Variants in RAB25 observed in about 807,000 individuals in gnomAD.
RAB25 encodes RAB25, member RAS oncogene family.
A neutral mutation model predicts 25.2 loss-of-function variants in RAB25; 23 were observed. The observed-to-expected ratio is 0.91, with a 90% confidence interval of 0.66 to 1.29. The LOEUF (loss-of-function observed/expected upper bound fraction) is 1.29, where lower values mean the gene tolerates loss of function less well. Ranked by LOEUF, RAB25 falls within the 50% of genes most tolerant of loss-of-function variation. The pLI is 0.00. For missense variants in RAB25, 244 were observed against 277.3 expected (o/e 0.88, Z 0.85); for synonymous variants, 102 against 111.5 (o/e 0.91, Z 0.54).
chr1:156,066,150 G>A, intron 2 of RAB25, 44 bp downstream of exon 2: 1 of 1,468,736 alleles, frequency 6.8e-7, no homozygotes. Flanking sequence ...GGAGTTCTGG[G>A]GAAGTCGAGG....
intron 4 of RAB25, 31 bp downstream of exon 4, chr1:156,069,782 T>G (rs200597559): frequency 4.5e-6 from 7 of 1,554,716 alleles, no homozygotes; most frequent in Middle Eastern, 1.7e-4. Flanking sequence ...TGCACCCCTA[T>G]TCCATCCCCG....
At chr1:156,065,383 C>T (rs1476480361) in intron 1 of RAB25, among the ~76,000 whole-genome samples, 1 of 152,322 alleles carries the variant, frequency 6.6e-6, no homozygotes, top group Middle Eastern at 3.4e-3. Flanking sequence ...CTCTCACCCA[C>T]AGATGTGTCA....
At position 156,068,237 on chromosome 1, in the gene RAB25, G is replaced by A. The variant is rs757598413; in HGVS notation, c.240-33G>A. ...GATGCTGGGTCCAATGCCTCTGATC[G>A]TATCTCTGTCCATCCTTCTCATTCC... On this transcript the variant is annotated intron_variant, in intron 2 of 4. Coordinates refer to ENST00000361084, the MANE Select transcript of RAB25 (RefSeq NM_020387.4). 95 of 1,560,882 alleles carry A rather than the reference G, an allele frequency of 6.1e-5. No homozygotes were observed. The South Asian group carries it at 8.2e-4, about 14-fold the overall frequency.
chr1:156,061,322 G>A lies in RAB25; in HGVS notation c.-79G>A, dbSNP rs1032300715. On this transcript the variant is annotated 5_prime_UTR_variant, in exon 1 of 5. Coordinates refer to ENST00000361084, the MANE Select transcript of RAB25 (RefSeq NM_020387.4). Reference sequence around the variant, plus strand: ...CAGGACCAGATCTTTTGAGAGCTGAGGGTTGAGGGCATTGAGCCAACACAC... The same window carrying A: ...CAGGACCAGATCTTTTGAGAGCTGAAGGTTGAGGGCATTGAGCCAACACAC... The A allele has an allele frequency of 1.2e-5, 17 of 1,416,220 alleles. No individual in the cohort carries two copies. The Admixed American group carries it at 2.9e-4, about 24-fold the overall frequency. 87.7% of individuals were successfully genotyped at this position (1,416,220 alleles called of 1,614,324 possible).
chr1:156,064,573 C>G (rs1211640927), intron 1 of RAB25, among the ~76,000 whole-genome samples: 1 of 152,246 alleles, frequency 6.6e-6, no homozygotes, highest in African/African-American at 2.4e-5. Flanking sequence ...TGCTACCATG[C>G]CTGGCTAATT....
intron 4 of RAB25, 162 bp from the exon 5 acceptor site, chr1:156,069,998 G>A: frequency 8.9e-7 from 1 of 1,129,618 alleles, no homozygotes; most frequent in East Asian, 2.5e-5. Flanking sequence ...GTAAGTAGAA[G>A]GGACCCCTAT....
chr1:156,066,353 C>G (rs1647745718), intron 2 of RAB25: 1 of 368,488 alleles, frequency 2.7e-6, no homozygotes, highest in African/African-American at 2.1e-5. Flanking sequence ...GCTATGTGCC[C>G]AGGAAGGGAC....
At chr1:156,065,318 C>T (rs1001236039) in intron 1 of RAB25, among the ~76,000 whole-genome samples, 1 of 152,182 alleles carries the variant, frequency 6.6e-6, no homozygotes. Context: ...GACTGTCCCT[C>T]CTTAGGGACA....
Position 156,066,000 on chromosome 1 carries a change from AT to A in RAB25, c.134del (p.Ile45ThrfsTer10). On this transcript the variant is annotated frameshift_variant, in exon 2 of 5. Coordinates refer to ENST00000361084, the MANE Select transcript of RAB25 (RefSeq NM_020387.4). LOFTEE classifies it high-confidence loss of function. ...NEFSHDSRTT[I>X]GVEFSTRTVM... Reference sequence around the variant, plus strand: ...GTTCAGCCACGACAGCCGCACCACCATCGGGGTTGAGTTCTCCACCCGCACT... The same window carrying A: ...GTTCAGCCACGACAGCCGCACCACCACGGGGTTGAGTTCTCCACCCGCACT... The A allele has an allele frequency of 6.2e-7, 1 of 1,614,054 alleles. No homozygotes were observed. Among genetic ancestry groups the A allele is most frequent in the Non-Finnish European group, 8.5e-7 (1 of 1,179,950 alleles).
intron 1 of RAB25, 72 bp from the exon 2 acceptor site, chr1:156,065,839 A>C: frequency 8.0e-7 from 1 of 1,254,470 alleles, no homozygotes; most frequent in Non-Finnish European, 1.1e-6. Context: ...TCTGCTGGGC[A>C]GACCCTCCAA....
chr1:156,061,173 C>A lies in RAB25; in HGVS notation c.-228C>A. The A allele has an allele frequency of 2.1e-6, 1 of 473,232 alleles. No homozygotes were observed. The highest frequency in any genetic ancestry group is 3.6e-5 in the East Asian group (1 of 27,614). The allele number at this position is 473,232 out of a possible 1,614,324, so 29.3% of individuals were successfully genotyped here. ...GCTCTTCCTGTTCTCAGCTTCCGTC[C>A]TCTCTGCTTCCTTACAGCACCCCCA... On this transcript the variant is annotated 5_prime_UTR_variant, in exon 1 of 5. Coordinates refer to ENST00000361084, the MANE Select transcript of RAB25 (RefSeq NM_020387.4).
At chr1:156,063,467 A>G (rs1387670773) in intron 1 of RAB25, among the ~76,000 whole-genome samples, 1 of 152,166 alleles carries the variant, frequency 6.6e-6, no homozygotes, top group Non-Finnish European at 1.5e-5. Flanking sequence ...TTTTTTACAA[A>G]TCAGCACCTG....
intron 4 of RAB25, 96 bp from the exon 5 acceptor site, chr1:156,070,064 G>C (rs1647861999): frequency 6.3e-7 from 1 of 1,589,828 alleles, no homozygotes; most frequent in Non-Finnish European, 8.6e-7. Context: ...CACCCCCCAT[G>C]CTCAGAAGGG....
At chr1:156,069,876 C>A in intron 4 of RAB25, 125 bp downstream of exon 4, 1 of 955,822 alleles carries the variant, frequency 1.0e-6, no homozygotes, top group East Asian at 2.4e-5. Flanking sequence ...GTCCTGGCAC[C>A]ACTGCCTGTC....
intron 2 of RAB25, 110 bp from the exon 3 acceptor site, chr1:156,068,160 C>G (rs1647800652): frequency 1.0e-6 from 1 of 993,858 alleles, no homozygotes; most frequent in African/African-American, 1.6e-5. Context: ...TTCTGTATTT[C>G]CTGATCTCTA....
intron 2 of RAB25, 87 bp from the exon 3 acceptor site, chr1:156,068,183 C>G (rs753684961): frequency 1.7e-6 from 2 of 1,203,370 alleles, no homozygotes; most frequent in Admixed American, 3.6e-5. Flanking sequence ...ACTCTGATCC[C>G]GGGTGTTCCA....
At chr1:156,063,950 T>C (rs1647666136) in intron 1 of RAB25, among the ~76,000 whole-genome samples, 1 of 152,236 alleles carries the variant, frequency 6.6e-6, no homozygotes, top group African/African-American at 2.4e-5. Flanking sequence ...ACATGAACCA[T>C]TAGTATCTCC....
intron 3 of RAB25, among the ~76,000 whole-genome samples, chr1:156,069,197 T>G (rs1647836262): frequency 6.6e-6 from 1 of 152,134 alleles, no homozygotes; most frequent in East Asian, 1.9e-4. Flanking sequence ...CTTTTTCTTT[T>G]TTTGAGAGGA....
At chr1:156,063,052 T>TAAAA (rs1158919173) in intron 1 of RAB25, among the ~76,000 whole-genome samples, 1 of 67,924 alleles carries the variant, frequency 1.5e-5, no homozygotes, top group Non-Finnish European at 2.8e-5. Flanking sequence ...AGACTCTGTC[T>TAAAA]AAAAAAAAAA....
Sources: allele counts gnomAD v4.1 joint callset (sites outside exome capture counted in the v4.1 genomes callset), GRCh38; gene constraint gnomAD v4.1.1; transcripts MANE v1.5; gene names NCBI Gene and HGNC (gene_info 2026-07-23, HGNC 2026-07-21).